The following DMD variants were observed in gnomAD, a reference collection of about 807,000 sequenced individuals.
DMD encodes the protein mutant dystrophin.
A neutral mutation model predicts 330.1 loss-of-function variants in DMD; 63 were observed. The ratio of observed to expected loss-of-function variants is 0.19; its 90% CI spans 0.16 to 0.24. The LOEUF is 0.24. Ranked by LOEUF, DMD falls within the 10% of genes least tolerant of loss-of-function variation. The pLI, the probability that DMD is intolerant of heterozygous loss-of-function variation, is 1.00. For synonymous variants in DMD, 1,223 were observed against 959.8 expected, an observed-to-expected ratio of 1.27 and a Z score of -5.07; for missense variants, 3,344 against 2,684.1, an observed-to-expected ratio of 1.25 and a Z score of -5.43.
At chrX:32,787,704 CCCA>C (rs1419617598) in intron 7 of DMD, among the ~76,000 whole-genome samples, 65 of 105,109 alleles carry the variant, frequency 6.2e-4, no homozygotes, top group African/African-American at 2.2e-3. Flanking sequence ...GCCCACCCTC[CCCA>C]CCATCATCTA....
chrX:33,309,802 ATAT>A (rs779211361), intron 1 of DMD, among the ~76,000 whole-genome samples: 115 of 111,114 alleles, frequency 1.0e-3, no homozygotes, highest in Non-Finnish European at 1.9e-3. Flanking sequence ...TGGTGTGATT[ATAT>A]TATTATTACA....
intron 6 of DMD, among the ~76,000 whole-genome samples, chrX:32,814,907 A>G (rs1391318974): frequency 3.6e-5 from 4 of 111,786 alleles, no homozygotes; most frequent in African/African-American, 9.8e-5. Context: ...AAATGTGTAC[A>G]TGAACAGCAA....
intron 1 of DMD, among the ~76,000 whole-genome samples, chrX:33,219,545 A>G (rs1321570860): frequency 9.1e-6 from 1 of 109,416 alleles, no homozygotes; most frequent in Admixed American, 9.9e-5. Flanking sequence ...ATGTGATTTC[A>G]GGACTTGGTA....
At chrX:31,912,170 G>A in intron 47 of DMD, among the ~76,000 whole-genome samples, 2 of 110,956 alleles carry the variant, frequency 1.8e-5, no homozygotes, top group Middle Eastern at 9.2e-3. Flanking sequence ...ACCCACTACC[G>A]CTTTCTGAAT....
At chrX:32,854,212 A>C (rs1281686999) in intron 2 of DMD, among the ~76,000 whole-genome samples, 1 of 111,677 alleles carries the variant, frequency 9.0e-6, no homozygotes, top group Non-Finnish European at 1.9e-5. Flanking sequence ...AAATATTTAC[A>C]GAACATTTCA....
Position 33,124,967 on chromosome X carries a change from T to C in DMD, c.31+86315A>G, listed in dbSNP as rs1365238524. Reference sequence around the variant, plus strand: ...TGAACCCAAGAGGCGGAGGTTGCGGTGAGCCTAAATCTCGCCATTGCACTC... The same window carrying C: ...TGAACCCAAGAGGCGGAGGTTGCGGCGAGCCTAAATCTCGCCATTGCACTC... On this transcript the variant is annotated intron_variant, in intron 1 of 78. Transcript: ENST00000357033. Among the ~76,000 whole-genome samples, 4 of 91,726 alleles carry C rather than the reference T, an allele frequency of 4.4e-5. No homozygotes were observed. The East Asian group carries it at 1.4e-3, about 31-fold the overall frequency. 79.7% of individuals were successfully genotyped at this position (91,726 alleles called of 115,157 possible).
intron 63 of DMD, among the ~76,000 whole-genome samples, chrX:31,243,548 A>G (rs2048554725): frequency 8.9e-6 from 1 of 112,746 alleles, no homozygotes; most frequent in Non-Finnish European, 1.9e-5. Context: ...TCAAAAAAGA[A>G]GAAAAACACC....
At chrX:31,895,575 A>G (rs1252743415) in intron 47 of DMD, among the ~76,000 whole-genome samples, 1 of 111,788 alleles carries the variant, frequency 8.9e-6, no homozygotes, top group Non-Finnish European at 1.9e-5. Context: ...GTGCCATGAC[A>G]TGGAGTTTTG....
chrX:31,172,295 T>A, intron 73 of DMD, 53 bp downstream of exon 73: 1 of 918,525 alleles, frequency 1.1e-6, no homozygotes, highest in Non-Finnish European at 1.6e-6. Context: ...TCTAAATCCC[T>A]CAAAGCAATT....
In DMD at chrX:31,433,428, G is replaced by T. The variant is rs750258051; in HGVS notation, c.9084+11053C>A. 4.6e-5 allele frequency among the ~76,000 whole-genome samples: 5 copies of T among 109,590 alleles called. No homozygotes were observed. In the South Asian group the frequency reaches 2.0e-3, roughly 44 times the overall value. On this transcript the variant is annotated intron_variant, in intron 60 of 78. Transcript: ENST00000357033. ...TACATACCAAGTAATGGAAGTGCTGGGTCAAATGGTAGTTCTTTTTTTTCT... is the reference window on the plus strand; with the variant it reads ...TACATACCAAGTAATGGAAGTGCTGTGTCAAATGGTAGTTCTTTTTTTTCT...
chrX:33,304,901 A>C (rs768966901), intron 1 of DMD, among the ~76,000 whole-genome samples: 1,527 of 104,715 alleles, frequency 0.015, 14 homozygotes, highest in African/African-American at 0.021. Context: ...GGCGATCATT[A>C]AAAAGTCAGG....
At chrX:32,861,250 A>T (rs1469297537) in intron 2 of DMD, among the ~76,000 whole-genome samples, 1 of 112,386 alleles carries the variant, frequency 8.9e-6, no homozygotes, top group Non-Finnish European at 1.9e-5. Flanking sequence ...AAGCCAAATA[A>T]TCCATATCGT....
intron 63 of DMD, among the ~76,000 whole-genome samples, chrX:31,249,215 C>T (rs1332832785): frequency 9.0e-6 from 1 of 111,708 alleles, no homozygotes; most frequent in African/African-American, 3.3e-5. Context: ...TCCACTACCA[C>T]AGACTAGTAC....
At chrX:31,633,465 T>G in intron 54 of DMD, among the ~76,000 whole-genome samples, 1 of 111,985 alleles carries the variant, frequency 8.9e-6, no homozygotes, top group Middle Eastern at 4.6e-3. Context: ...TACCAGGATC[T>G]GTGCCTGATG....
chrX:32,718,350 G>T (rs938617009), intron 7 of DMD, among the ~76,000 whole-genome samples: 3 of 110,788 alleles, frequency 2.7e-5, no homozygotes, highest in Non-Finnish European at 5.7e-5. Flanking sequence ...ATCTCTGCCT[G>T]CTCTCTCTTC....
intron 78 of DMD, among the ~76,000 whole-genome samples, chrX:31,124,847 C>T (rs2033401673): frequency 8.9e-6 from 1 of 111,872 alleles, no homozygotes; most frequent in African/African-American, 3.3e-5. Context: ...TTTAAAAATA[C>T]AATTCCCAAA....
chrX:31,888,420 G>A (rs929326119), intron 47 of DMD, among the ~76,000 whole-genome samples: 7 of 111,329 alleles, frequency 6.3e-5, no homozygotes, highest in Non-Finnish European at 1.1e-4. Flanking sequence ...AAATAACAGC[G>A]CACTCTGAAT....
intron 1 of DMD, among the ~76,000 whole-genome samples, chrX:33,314,625 A>G (rs2053906946): frequency 1.0e-5 from 1 of 97,157 alleles, no homozygotes; most frequent in African/African-American, 3.9e-5. Context: ...CAAGGTGTCA[A>G]TGGGGCGCTG....
At chrX:31,472,912 C>T (rs1228394039) in intron 59 of DMD, among the ~76,000 whole-genome samples, 19 of 112,453 alleles carry the variant, frequency 1.7e-4, no homozygotes, top group Non-Finnish European at 1.9e-5. Context: ...TGCATAACTA[C>T]ATAGATGCGA....
Sources: gnomAD v4.1 joint callset for allele counts (sites outside exome capture counted in the v4.1 genomes callset) on GRCh38, gnomAD v4.1.1 for gene constraint, MANE v1.5 for transcripts, NCBI Gene and HGNC (gene_info 2026-07-23, HGNC 2026-07-21) for gene names.